SRCAP: variants seen among roughly 807,000 people sequenced by gnomAD.
SRCAP encodes Snf2 related CREBBP activator protein, also known as chromatin remodeling protein SRCAP.
In SRCAP, 46 loss-of-function variants were observed where a neutral mutation model predicts 263.1. The observed-to-expected ratio is 0.17, with a 90% confidence interval of 0.14 to 0.22. SRCAP has a LOEUF of 0.22. Among genes scored for constraint, SRCAP ranks in the 10% least tolerant of loss-of-function variants. The pLI is 1.00. For synonymous variants in SRCAP, 1,813 were observed against 1,662.1 expected, an observed-to-expected ratio of 1.09 and a Z score of -2.21; for missense variants, 3,695 against 4,181.9, an observed-to-expected ratio of 0.88 and a Z score of 3.21.
intron 33 of SRCAP, 24 bp from the exon 34 acceptor site, chr16:30,737,025 C>G: frequency 1.3e-6 from 2 of 1,550,488 alleles, no homozygotes; most frequent in Non-Finnish European, 1.7e-6. Context: ...TCCTCCTGAC[C>G]ACTTTTGGAC....
intron 18 of SRCAP, 132 bp downstream of exon 18, chr16:30,716,611 A>G: frequency 2.5e-6 from 2 of 802,884 alleles, no homozygotes; most frequent in South Asian, 3.7e-5. Flanking sequence ...GTTTTATTGT[A>G]CTCTAGCCAT....
rs2053009608 is a variant in SRCAP at position 30,721,346 on chromosome 16, C to T, written c.3411C>T (p.Tyr1137=). Residue 1137 remains tyrosine (Y), a synonymous_variant, in exon 21 of 34, where the codon TAC becomes TAT. Coordinates refer to ENST00000262518, the MANE Select transcript of SRCAP (RefSeq NM_006662.3). ...AGCCCCTGACAGTGCCACCAGGCTA[C>T]ACCTTCCCTCCTGCTGCTGCCACCA... ...LLKPLTVPPG[Y]TFPPAAATTT... 2.5e-6 allele frequency: 4 copies of T among 1,614,182 alleles called. No individual in the cohort carries two copies. Among genetic ancestry groups the T allele is most frequent in the Non-Finnish European group, 3.4e-6 (4 of 1,180,040 alleles).
intron 6 of SRCAP, 102 bp from the exon 7 acceptor site, chr16:30,709,411 C>A: frequency 4.0e-6 from 5 of 1,260,754 alleles, no homozygotes; most frequent in Non-Finnish European, 4.5e-6. Context: ...TCCTAAGAGG[C>A]CAGCCCAGGA....
At chr16:30,736,673 T>C (rs376687509) in intron 33 of SRCAP, 49 bp downstream of exon 33, 16 of 1,590,164 alleles carry the variant, frequency 1.0e-5, no homozygotes, top group Non-Finnish European at 1.4e-5. Context: ...GCTAATTTCT[T>C]TTTCTTTTCT....
chr16:30,722,470 CCT>C (rs2053020203), intron 22 of SRCAP, 91 bp from the exon 23 acceptor site: 4 of 1,511,708 alleles, frequency 2.6e-6, no homozygotes, highest in Non-Finnish European at 3.6e-6. Flanking sequence ...GAATGTATTC[CCT>C]CTCTGTTCTT....
chr16:30,713,403 G>A, intron 15 of SRCAP, 26 bp downstream of exon 15: 1 of 1,613,814 alleles, frequency 6.2e-7, no homozygotes, highest in South Asian at 1.1e-5. Context: ...GGGATTCATG[G>A]GAGGGTTGAC....
At chr16:30,702,899 T>C (rs1242124947) in intron 3 of SRCAP, among the ~76,000 whole-genome samples, 1 of 151,850 alleles carries the variant, frequency 6.6e-6, no homozygotes, top group Non-Finnish European at 1.5e-5. Flanking sequence ...TTCTTAATGC[T>C]TTTGCAGTAC....
At chr16:30,714,361 G>T (rs1187656257) in intron 16 of SRCAP, among the ~76,000 whole-genome samples, 1 of 151,470 alleles carries the variant, frequency 6.6e-6, no homozygotes, top group Non-Finnish European at 1.5e-5. Flanking sequence ...ACCGCGCCCG[G>T]CCTACGCCCG....
In SRCAP at chr16:30,716,601, G is replaced by A; in HGVS notation, c.2817+122G>A. 4 of 868,600 alleles carry A rather than the reference G, an allele frequency of 4.6e-6. No homozygotes were observed. The East Asian group carries it at 9.9e-5, about 22-fold the overall frequency. 53.8% of individuals were successfully genotyped at this position (868,600 alleles called of 1,614,324 possible). Reference sequence around the variant, plus strand: ...TCATGACTCCCCTATCATTCCCTTAGTTTTATTGTACTCTAGCCATGTGAC... The same window carrying A: ...TCATGACTCCCCTATCATTCCCTTAATTTTATTGTACTCTAGCCATGTGAC... On this transcript the variant is annotated intron_variant, in intron 18 of 33. Coordinates refer to ENST00000262518, the MANE Select transcript of SRCAP (RefSeq NM_006662.3).
chr16:30,722,795 TC>T (rs762477113), intron 23 of SRCAP, 47 bp downstream of exon 23: 1 of 1,576,562 alleles, frequency 6.3e-7, no homozygotes, highest in African/African-American at 1.3e-5. Context: ...CCTTGGTCCT[TC>T]CAGGCATGCG....
Position 30,738,964 on chromosome 16 carries a change from T to A in SRCAP, c.8924T>A (p.Leu2975Gln). 6.2e-7 allele frequency: 1 copy of A among 1,613,494 alleles called. No homozygotes were observed. The highest frequency in any genetic ancestry group is 8.5e-7 in the Non-Finnish European group (1 of 1,179,712). ...RTQPPPHPSP[L>Q]TPLPPLLVCP... ...CAGCCACCCCCACACCCATCACCCCTAACCCCACTCCCACCACTGCTAGTT... is the reference window on the plus strand; with the variant it reads ...CAGCCACCCCCACACCCATCACCCCAAACCCCACTCCCACCACTGCTAGTT... Residue 2975 changes from leucine (L) to glutamine (Q), a missense_variant, in exon 34 of 34, where the codon CTA becomes CAA. This residue lies in a region of SRCAP where 1,207 missense variants were observed against 1,142.9 expected (regional missense o/e 1.06). Coordinates refer to ENST00000262518, the MANE Select transcript of SRCAP (RefSeq NM_006662.3).
chr16:30,700,587 CTTTT>C (rs746816750), intron 2 of SRCAP, 25 bp from the exon 3 acceptor site: 96 of 347,746 alleles, frequency 2.8e-4, no homozygotes, highest in East Asian at 4.7e-4. Context: ...GCATTTCTGT[CTTTT>C]TTTTTTTTTT....
In SRCAP at chr16:30,739,192, A is replaced by T; in HGVS notation, c.9152A>T (p.Glu3051Val). 5 of 1,613,784 alleles carry T rather than the reference A, an allele frequency of 3.1e-6. No individual in the cohort carries two copies. Among genetic ancestry groups the T allele is most frequent in the Non-Finnish European group, 4.2e-6 (5 of 1,180,008 alleles). The change falls in exon 34 of 34, where the codon GAG becomes GTG. Residue 3051 changes from glutamate to valine, a missense_variant. Coordinates refer to ENST00000262518, the MANE Select transcript of SRCAP (RefSeq NM_006662.3). ...RRQPQGQGESEGSSSDEDGSR... is the reference protein window; with the variant it reads ...RRQPQGQGESVGSSSDEDGSR... ...CAACCCCAGGGCCAAGGGGAGAGTG[A>T]GGGTAGTTCCTCTGATGAGGATGGA... is the stretch of plus-strand genomic sequence containing the variant.
chr16:30,716,634 T>C (rs1204569177), intron 18 of SRCAP, among the ~76,000 whole-genome samples, 155 bp downstream of exon 18: 4 of 152,242 alleles, frequency 2.6e-5, no homozygotes, highest in Non-Finnish European at 1.5e-5. Context: ...GACTTAACGA[T>C]GGTTCAACTT....
chr16:30,724,606 C>A lies in SRCAP; in HGVS notation c.5182C>A (p.Pro1728Thr). The A allele has an allele frequency of 1.9e-6, 3 of 1,614,210 alleles. No individual in the cohort carries two copies. The East Asian group carries it at 6.7e-5, about 36-fold the overall frequency. Reference protein sequence around the residue: ...LTPASSLVPTPAQTLSLAPGP... With the variant: ...LTPASSLVPTTAQTLSLAPGP... ...TCCAGCATCATCCCTGGTACCAACT[C>A]CAGCCCAGACACTGTCTTTGGCACC... The change falls in exon 25 of 34, where the codon CCA becomes ACA. Residue 1728 changes from proline (P) to threonine (T), a missense_variant. Pro to Thr is a conservative substitution (Grantham distance 38). Coordinates refer to ENST00000262518, the MANE Select transcript of SRCAP (RefSeq NM_006662.3).
At position 30,722,699 on chromosome 16, in the gene SRCAP, C is replaced by G. The variant is rs371374114; in HGVS notation, c.3843C>G (p.Ser1281Arg). 6.2e-7 allele frequency: 1 copy of G among 1,613,782 alleles called. No individual in the cohort carries two copies. Among genetic ancestry groups the G allele is most frequent in the Non-Finnish European group, 8.5e-7 (1 of 1,179,986 alleles). The change falls in exon 23 of 34, where the codon AGC becomes AGG. Residue 1281 changes from serine to arginine, a missense_variant. Ser to Arg is a moderately radical substitution (Grantham distance 110). Around this residue, in one of 12 missense-constraint regions of SRCAP, gnomAD observed 1,347 missense variants for 1,304.4 expected, o/e 1.03. Transcript: ENST00000262518. ...PVSVLPSSTP[S>R]TTPAPTGLSL... ...CTGTGCTGCCTTCTTCGACCCCCAGCACCACCCCTGCCCCTACTGGCCTCA... is the reference window on the plus strand; with the variant it reads ...CTGTGCTGCCTTCTTCGACCCCCAGGACCACCCCTGCCCCTACTGGCCTCA...
chr16:30,736,134 A>G, intron 31 of SRCAP, 66 bp from the exon 32 acceptor site: 2 of 1,591,844 alleles, frequency 1.3e-6, no homozygotes, highest in Non-Finnish European at 1.7e-6. Flanking sequence ...TCTTGCCTGA[A>G]TCAAATCACA....
chr16:30,718,188 GT>G (rs1596651924), intron 18 of SRCAP, among the ~76,000 whole-genome samples: 2 of 150,448 alleles, frequency 1.3e-5, no homozygotes, highest in East Asian at 3.9e-4. Context: ...TTTTTTTTGG[GT>G]GGGGGGGGCA....
At chr16:30,732,343 C>T (rs992383299) in intron 27 of SRCAP, among the ~76,000 whole-genome samples, 2 of 149,158 alleles carry the variant, frequency 1.3e-5, no homozygotes, top group East Asian at 2.0e-4. Context: ...CCCAGCCACT[C>T]GGGAAGCTGA....
Sources: allele counts gnomAD v4.1 joint callset (sites outside exome capture counted in the v4.1 genomes callset), GRCh38; gene constraint gnomAD v4.1.1; regional missense constraint gnomAD v4.1.1; transcripts MANE v1.5; gene names NCBI Gene and HGNC (gene_info 2026-07-23, HGNC 2026-07-21).